Variants in OR56B2 observed in about 807,000 individuals in gnomAD.
The protein encoded by OR56B2 is olfactory receptor family 56 subfamily B member 2, also known as olfactory receptor 56B2.
At chr11:5,764,664 C>T in the OR56B2 span, among the ~76,000 whole-genome samples, 2 of 139,282 alleles carry the variant, frequency 1.4e-5, 1 homozygote, top group East Asian at 4.1e-4. Flanking sequence ...AAATATCTTA[C>T]CTAAAAGGCC....
chr11:5,762,167 C>A, the OR56B2 span, among the ~76,000 whole-genome samples: 1 of 151,906 alleles, frequency 6.6e-6, no homozygotes, highest in Non-Finnish European at 1.5e-5. Flanking sequence ...GTATTTCAAG[C>A]TAGATCATTG....
chr11:5,763,083 GT>G, the OR56B2 span, among the ~76,000 whole-genome samples: 1 of 151,916 alleles, frequency 6.6e-6, no homozygotes, highest in Non-Finnish European at 1.5e-5. Flanking sequence ...AAATAGTACA[GT>G]TTTAAAAAAT....
the OR56B2 span, among the ~76,000 whole-genome samples, chr11:5,768,520 T>C: frequency 7.2e-6 from 1 of 139,712 alleles, no homozygotes; most frequent in African/African-American, 2.6e-5. Flanking sequence ...AACATACTAG[T>C]GCCAATATTT....
the OR56B2 span, chr11:5,761,367 A>C: frequency 6.6e-6 from 1 of 152,318 alleles, no homozygotes; most frequent in African/African-American, 2.4e-5. Context: ...GACTGTGTAG[A>C]AACCATGAAA....
At chr11:5,761,386 AT>A in the OR56B2 span, 1 of 152,216 alleles carries the variant, frequency 6.6e-6, no homozygotes, top group South Asian at 2.1e-4. Flanking sequence ...AATACACTTC[AT>A]GTCAAATTAA....
At chr11:5,762,650 T>C in the OR56B2 span, among the ~76,000 whole-genome samples, 62 of 152,158 alleles carry the variant, frequency 4.1e-4, no homozygotes, top group African/African-American at 1.5e-3. Flanking sequence ...TATTGTACAT[T>C]TCAAAATAGC....
chr11:5,763,502 C>T, the OR56B2 span, among the ~76,000 whole-genome samples: 26 of 139,128 alleles, frequency 1.9e-4, 3 homozygotes, highest in Non-Finnish European at 2.9e-4. Context: ...TCAGTAGGGA[C>T]GGAGTTTCAC....
At chr11:5,768,493 T>C in the OR56B2 span, among the ~76,000 whole-genome samples, 1 of 139,900 alleles carries the variant, frequency 7.1e-6, no homozygotes. Flanking sequence ...GTTGATTCCG[T>C]ATCTTTCCCT....
chr11:5,768,716 T>C, the OR56B2 span, among the ~76,000 whole-genome samples: 3 of 139,966 alleles, frequency 2.1e-5, 1 homozygote, highest in Admixed American at 1.5e-4. Context: ...ATTCTCTACA[T>C]GTATATTTGT....
chr11:5,762,753 CAAAT>C, the OR56B2 span, among the ~76,000 whole-genome samples: 3 of 151,846 alleles, frequency 2.0e-5, no homozygotes, highest in African/African-American at 7.2e-5. Context: ...AAGACAAAAA[CAAAT>C]AATTCAAGAA....
chr11:5,769,027 TAC>T, the OR56B2 span, among the ~76,000 whole-genome samples: 1 of 139,840 alleles, frequency 7.2e-6, no homozygotes, highest in Non-Finnish European at 1.6e-5. Flanking sequence ...TTTTTATTTT[TAC>T]ACTTAATAAA....
chr11:5,764,735 G>A, the OR56B2 span, among the ~76,000 whole-genome samples: 6 of 139,560 alleles, frequency 4.3e-5, 2 homozygotes, highest in Admixed American at 1.5e-4. Context: ...AAACCAACTC[G>A]TTAACAAAGA....
the OR56B2 span, among the ~76,000 whole-genome samples, chr11:5,762,248 A>G: frequency 2.0e-5 from 3 of 151,928 alleles, no homozygotes; most frequent in Non-Finnish European, 2.9e-5. Flanking sequence ...CCCTTACTTC[A>G]TTGAAGAAAA....
chr11:5,763,390 C>T, the OR56B2 span, among the ~76,000 whole-genome samples: 3 of 92,090 alleles, frequency 3.3e-5, no homozygotes, highest in Admixed American at 2.3e-4. Context: ...CTCAGCTCAC[C>T]GCAACCTCCG....
the OR56B2 span, among the ~76,000 whole-genome samples, chr11:5,762,915 T>C: frequency 1.2e-4 from 19 of 152,116 alleles, no homozygotes; most frequent in Admixed American, 6.5e-5. Flanking sequence ...ACAAATACTA[T>C]ATTATCCTGT....
chr11:5,768,714 CATGTAT>C, the OR56B2 span, among the ~76,000 whole-genome samples: 1 of 139,598 alleles, frequency 7.2e-6, no homozygotes, highest in African/African-American at 2.6e-5. Flanking sequence ...TTATTCTCTA[CATGTAT>C]ATTTGTTATA....
chr11:5,761,618 A>G, the OR56B2 span, among the ~76,000 whole-genome samples: 20 of 152,214 alleles, frequency 1.3e-4, no homozygotes, highest in Middle Eastern at 3.4e-3. Flanking sequence ...TAGCTTTTGT[A>G]TTAGACACTG....
At chr11:5,762,276 C>T in the OR56B2 span, among the ~76,000 whole-genome samples, 11 of 151,920 alleles carry the variant, frequency 7.2e-5, no homozygotes, top group Non-Finnish European at 1.0e-4. Context: ...ATTTACTATA[C>T]TCTCTAGCAA....
the OR56B2 span, chr11:5,761,315 G>A: frequency 6.6e-6 from 1 of 152,114 alleles, no homozygotes; most frequent in Non-Finnish European, 1.5e-5. Flanking sequence ...AGAAGGGTAA[G>A]CCTCAGCTAT....
Sources: allele counts gnomAD v4.1 joint callset (sites outside exome capture counted in the v4.1 genomes callset), GRCh38; gene constraint gnomAD v4.1.1; transcripts MANE v1.5; gene names NCBI Gene and HGNC (gene_info 2026-07-23, HGNC 2026-07-21).